SAMD12: variants seen among roughly 807,000 people sequenced by gnomAD.
SAMD12 encodes the protein sterile alpha motif domain-containing protein 12.
Under a neutral mutation model 15.0 loss-of-function variants are expected in SAMD12, and 9 were observed. The observed-to-expected ratio is 0.60, with a 90% confidence interval of 0.36 to 1.05. SAMD12 has a LOEUF of 1.05. Among genes scored for constraint, SAMD12 ranks in the 50% least tolerant of loss-of-function variants. The pLI is 0.01. For synonymous variants in SAMD12, 86 were observed against 90.1 expected (o/e 0.96, Z 0.25); for missense variants, 230 against 234.2 (o/e 0.98, Z 0.12).
intron 4 of SAMD12, among the ~76,000 whole-genome samples, chr8:118,253,906 T>C (rs1376241041): frequency 6.6e-6 from 1 of 152,162 alleles, no homozygotes; most frequent in East Asian, 1.9e-4. Flanking sequence ...AATGTAACAC[T>C]TGGGCTTGCA....
At chr8:118,351,929 C>T (rs1360629465) in intron 4 of SAMD12, among the ~76,000 whole-genome samples, 1 of 152,028 alleles carries the variant, frequency 6.6e-6, no homozygotes, top group Non-Finnish European at 1.5e-5. Context: ...GTCTTGAAGC[C>T]CTGGTGAAGA....
rs184059158 is a variant in SAMD12, at chr8:118,439,466, T to C, written c.322+366A>G. 1.1e-3 allele frequency among the ~76,000 whole-genome samples: 166 copies of C among 152,294 alleles called. 1 individual carries two copies. Among genetic ancestry groups the C allele is most frequent in the South Asian group, 0.011 (51 of 4,816 alleles). On this transcript the variant is annotated intron_variant, in intron 3 of 3. Coordinates refer to ENST00000314727, the MANE Select transcript of SAMD12 (RefSeq NM_207506.3). ...CATTTTTTAAAAAGCATTTTCCTAC[T>C]TAGAAACCTTTTCTACTTGGAAGAT...
chr8:118,272,874 C>T (rs925788875), intron 4 of SAMD12, among the ~76,000 whole-genome samples: 2 of 152,140 alleles, frequency 1.3e-5, no homozygotes, highest in African/African-American at 4.8e-5. Context: ...CAAACTTTCC[C>T]ACATCTGCCT....
chr8:118,338,578 G>A (rs149364059), intron 4 of SAMD12, among the ~76,000 whole-genome samples: 180 of 152,336 alleles, frequency 1.2e-3, no homozygotes, highest in African/African-American at 4.2e-3. Context: ...GAGGAAGAGA[G>A]GAGTTTGGTT....
At chr8:118,280,868 G>C (rs1813612581) in intron 4 of SAMD12, among the ~76,000 whole-genome samples, 2 of 152,246 alleles carry the variant, frequency 1.3e-5, no homozygotes, top group South Asian at 2.1e-4. Context: ...ACCTGCATGG[G>C]GGCAGGTATC....
chr8:118,452,480 A>C (rs1823113332), intron 2 of SAMD12, among the ~76,000 whole-genome samples: 1 of 152,134 alleles, frequency 6.6e-6, no homozygotes, highest in Admixed American at 6.5e-5. Context: ...AATTAGAAAA[A>C]ATTTTTGCTG....
chr8:118,550,308 C>T (rs1475412128), intron 2 of SAMD12, among the ~76,000 whole-genome samples: 1 of 152,210 alleles, frequency 6.6e-6, no homozygotes, highest in Admixed American at 6.5e-5. Context: ...AAGGGAAGCC[C>T]ATCAGACTAA....
chr8:118,442,007 C>T (rs1475992202), intron 2 of SAMD12, among the ~76,000 whole-genome samples: 2 of 152,118 alleles, frequency 1.3e-5, no homozygotes, highest in African/African-American at 4.8e-5. Context: ...TGATTCCAGC[C>T]ACCAGCCTTC....
In SAMD12 at chr8:118,285,553, C is replaced by T. The variant is rs142296528; in HGVS notation, c.434-87821G>A. Among the ~76,000 whole-genome samples the T allele has an allele frequency of 9.2e-5, 14 of 152,304 alleles. No homozygotes were observed. In the East Asian group the frequency reaches 2.1e-3, roughly 23 times the overall value. On this transcript the variant is annotated intron_variant, in intron 4 of 4. Coordinates refer to the SAMD12 transcript ENST00000409003. ...ACCCCACTGCCATCCCTTCAATGAACGCCCACTATTGTGCAACAGCACGCT... is the reference window on the plus strand; with the variant it reads ...ACCCCACTGCCATCCCTTCAATGAATGCCCACTATTGTGCAACAGCACGCT...
chr8:118,325,418 T>G (rs1816519180), intron 4 of SAMD12, among the ~76,000 whole-genome samples: 1 of 152,150 alleles, frequency 6.6e-6, no homozygotes, highest in Non-Finnish European at 1.5e-5. Context: ...TAATTATTTC[T>G]TTGCTCCCCC....
At chr8:118,593,840 C>G (rs1484834526) in intron 1 of SAMD12, among the ~76,000 whole-genome samples, 3 of 152,114 alleles carry the variant, frequency 2.0e-5, no homozygotes, top group Non-Finnish European at 1.5e-5. Context: ...ATCTACACTT[C>G]CAGAATTACA....
intron 4 of SAMD12, among the ~76,000 whole-genome samples, chr8:118,285,250 C>T (rs181180128): frequency 6.6e-6 from 1 of 152,126 alleles, no homozygotes; most frequent in East Asian, 1.9e-4. Flanking sequence ...ATCCATTTTA[C>T]CCACACTGCA....
chr8:118,544,931 TA>T (rs1186711946), intron 2 of SAMD12, among the ~76,000 whole-genome samples: 2 of 152,260 alleles, frequency 1.3e-5, no homozygotes, highest in East Asian at 1.9e-4. Flanking sequence ...AAATTAAATA[TA>T]AAAAGGCAAA....
chr8:118,540,933 G>A (rs1825969301), intron 2 of SAMD12, among the ~76,000 whole-genome samples: 1 of 152,148 alleles, frequency 6.6e-6, no homozygotes, highest in Non-Finnish European at 1.5e-5. Context: ...CATGTGACCT[G>A]AGCAGGGTAA....
chr8:118,535,708 G>T (rs1480325660), intron 2 of SAMD12, among the ~76,000 whole-genome samples: 2 of 152,226 alleles, frequency 1.3e-5, no homozygotes, highest in Non-Finnish European at 2.9e-5. Flanking sequence ...TGCTGTGCCA[G>T]CAGTGAGCAA....
At chr8:118,577,825 G>A (rs1827190275) in intron 2 of SAMD12, among the ~76,000 whole-genome samples, 1 of 152,136 alleles carries the variant, frequency 6.6e-6, no homozygotes, top group African/African-American at 2.4e-5. Context: ...GCAAGAATTA[G>A]AAGCCATGTG....
chr8:118,326,177 A>G (rs1430671393), intron 4 of SAMD12, among the ~76,000 whole-genome samples: 2 of 152,176 alleles, frequency 1.3e-5, no homozygotes, highest in Non-Finnish European at 2.9e-5. Context: ...AATTATTGCT[A>G]GAGGATGGAT....
At chr8:118,533,400 G>T (rs1170302917) in intron 2 of SAMD12, among the ~76,000 whole-genome samples, 1 of 152,158 alleles carries the variant, frequency 6.6e-6, no homozygotes, top group Non-Finnish European at 1.5e-5. Flanking sequence ...GTGGTGCTGA[G>T]AAGAATGTAT....
At chr8:118,447,656 A>G (rs1326089410) in intron 2 of SAMD12, among the ~76,000 whole-genome samples, 3 of 151,286 alleles carry the variant, frequency 2.0e-5, no homozygotes, top group Non-Finnish European at 4.4e-5. Flanking sequence ...CTAGCTACCC[A>G]GCTCTTTGAT....
Sources: gnomAD v4.1 joint callset for allele counts (sites outside exome capture counted in the v4.1 genomes callset) on GRCh38, gnomAD v4.1.1 for gene constraint, MANE v1.5 for transcripts, NCBI Gene and HGNC (gene_info 2026-07-23, HGNC 2026-07-21) for gene names.